The following USPL1 variants were observed in gnomAD, a reference collection of about 807,000 sequenced individuals.
The protein encoded by USPL1 is SUMO-specific isopeptidase USPL1.
Under a neutral mutation model 51.5 loss-of-function variants are expected in USPL1, and 27 were observed. That is an observed-to-expected ratio of 0.52 (90% CI 0.39 to 0.72). The LOEUF (loss-of-function observed/expected upper bound fraction) is 0.72. Ranked by LOEUF, USPL1 falls within the 30% of genes least tolerant of loss-of-function variation. The pLI is 0.00. For missense variants in USPL1, 1,226 were observed against 1,268.0 expected (o/e 0.97, Z 0.50); for synonymous variants, 451 against 459.6 (o/e 0.98, Z 0.24).
intron 3 of USPL1, among the ~76,000 whole-genome samples, chr13:30,623,059 G>A (rs1321660471): frequency 6.6e-6 from 1 of 152,056 alleles, no homozygotes; most frequent in Non-Finnish European, 1.5e-5. Context: ...AAAGTGCTGT[G>A]GAGAAAAATA....
intron 3 of USPL1, among the ~76,000 whole-genome samples, chr13:30,623,711 GAATT>G (rs1950674284): frequency 6.6e-6 from 1 of 152,310 alleles, no homozygotes; most frequent in East Asian, 1.9e-4. Flanking sequence ...CATGATTAGA[GAATT>G]AACGGGTTAG....
rs1253569300 is a variant in USPL1, at chr13:30,658,655, G to A, written c.2578G>A (p.Gly860Arg). 6.2e-7 allele frequency: 1 copy of A among 1,614,176 alleles called. No homozygotes were observed. Among genetic ancestry groups the A allele is most frequent in the South Asian group, 1.1e-5 (1 of 91,090 alleles). Residue 860 changes from glycine to arginine, a missense_variant, in exon 9 of 9, where the codon GGA (glycine) becomes AGA (arginine). Coordinates refer to ENST00000255304, the MANE Select transcript of USPL1 (RefSeq NM_005800.5). ...GGAAAAGTCTGGAAGCACCTCATGT[G>A]GAGCTCAACTCAACCACAGTTCTTA... is the stretch of plus-strand genomic sequence containing the variant. The part of the protein sequence containing the change: ...VLEKSGSTSC[G>R]AQLNHSSYGN...
chr13:30,629,527 T>C (rs191205369), intron 3 of USPL1, among the ~76,000 whole-genome samples: 1 of 152,228 alleles, frequency 6.6e-6, no homozygotes, highest in African/African-American at 2.4e-5. Context: ...TTTCACATGA[T>C]TATGTGAGTT....
chr13:30,653,181 A>T lies in USPL1; in HGVS notation c.1272A>T (p.Glu424Asp), dbSNP rs770423148. ...CCATATTCATGTTGCACTTTGTAGAAGGCTTACCACAGAATGACTTGCAGC... is the reference window on the plus strand; with the variant it reads ...CCATATTCATGTTGCACTTTGTAGATGGCTTACCACAGAATGACTTGCAGC... ...VSPIFMLHFV[E>D]GLPQNDLQHY... The change falls in exon 8 of 9, where the codon GAA (glutamate) becomes GAT (aspartate). Residue 424 changes from glutamate (E) to aspartate (D), a missense_variant. Physicochemically the swap from Glu to Asp is conservative, Grantham distance 45 (BLOSUM62 2). Coordinates refer to ENST00000255304, the MANE Select transcript of USPL1 (RefSeq NM_005800.5). 16 of 1,609,382 alleles carry T rather than the reference A, an allele frequency of 9.9e-6. No individual in the cohort carries two copies. Among genetic ancestry groups the T allele is most frequent in the Non-Finnish European group, 1.4e-5 (16 of 1,177,268 alleles).
At chr13:30,657,293 T>C (rs1489809814) in intron 8 of USPL1, among the ~76,000 whole-genome samples, 181 bp from the exon 9 acceptor site, 1 of 152,214 alleles carries the variant, frequency 6.6e-6, no homozygotes, top group African/African-American at 2.4e-5. Flanking sequence ...TTCCAAAAAT[T>C]AAATATACTC....
intron 3 of USPL1, among the ~76,000 whole-genome samples, chr13:30,622,485 T>A (rs774515403): frequency 2.0e-5 from 3 of 152,230 alleles, no homozygotes; most frequent in Non-Finnish European, 4.4e-5. Flanking sequence ...TCATACACTT[T>A]TAATTCTCAG....
chr13:30,621,868 T>C lies in USPL1; in HGVS notation c.204T>C (p.Ser68=). The change falls in exon 3 of 9, where the codon TCT becomes TCC. Residue 68 remains serine (S), a synonymous_variant. Transcript: ENST00000255304. ...LKTYRISFQE[S]IFLCEDLQCI... ...CTTACCGAATTAGTTTTCAAGAATC[T>C]ATCTTTTTGTGTGAGGATCTGCAGG... 1 of 1,563,078 alleles carries C rather than the reference T, an allele frequency of 6.4e-7. No individual in the cohort carries two copies. The highest frequency in any genetic ancestry group is 1.2e-5 in the South Asian group (1 of 81,728).
chr13:30,644,949 A>G (rs1346540682), intron 6 of USPL1, among the ~76,000 whole-genome samples: 2 of 152,166 alleles, frequency 1.3e-5, no homozygotes, highest in African/African-American at 2.4e-5. Flanking sequence ...GTCTTCTATC[A>G]TTGCTTTATA....
At chr13:30,635,723 A>G (rs1950867248) in intron 4 of USPL1, among the ~76,000 whole-genome samples, 1 of 152,190 alleles carries the variant, frequency 6.6e-6, no homozygotes, top group African/African-American at 2.4e-5. Context: ...GAGTTTGGTC[A>G]TACAGTCTTT....
chr13:30,621,950 TATTA>T (rs1043142372), intron 3 of USPL1, 58 bp downstream of exon 3: 71 of 1,202,476 alleles, frequency 5.9e-5, no homozygotes, highest in African/African-American at 2.5e-4. Context: ...TTTGCTTTTT[TATTA>T]ATTGTTTTAA....
At chr13:30,635,422 A>G (rs1282322746) in intron 4 of USPL1, among the ~76,000 whole-genome samples, 1 of 152,118 alleles carries the variant, frequency 6.6e-6, no homozygotes, top group East Asian at 1.9e-4. Flanking sequence ...CTGCCATGCC[A>G]CCTCTAGCAT....
chr13:30,651,147 A>G (rs1399345186), intron 7 of USPL1, among the ~76,000 whole-genome samples: 1 of 152,146 alleles, frequency 6.6e-6, no homozygotes, highest in Non-Finnish European at 1.5e-5. Context: ...CAGACCCTGG[A>G]TAGCTTTGGT....
intron 6 of USPL1, 52 bp from the exon 7 acceptor site, chr13:30,646,880 T>A (rs1168330646): frequency 6.4e-7 from 1 of 1,565,306 alleles, no homozygotes; most frequent in Non-Finnish European, 8.7e-7. Flanking sequence ...TTGGTTTAAA[T>A]TAATGTAAAT....
chr13:30,634,681 C>G (rs1049417201), intron 4 of USPL1, among the ~76,000 whole-genome samples: 2 of 152,160 alleles, frequency 1.3e-5, no homozygotes, highest in African/African-American at 2.4e-5. Context: ...GGCAAGTCTC[C>G]TGGGGCACAG....
chr13:30,646,244 T>C (rs538387216), intron 6 of USPL1, among the ~76,000 whole-genome samples: 4 of 152,346 alleles, frequency 2.6e-5, no homozygotes, highest in Non-Finnish European at 5.9e-5. Flanking sequence ...TCTTTAAAGG[T>C]CATCTTTTTA....
intron 8 of USPL1, among the ~76,000 whole-genome samples, chr13:30,656,681 C>G (rs1262782171): frequency 6.6e-6 from 1 of 152,134 alleles, no homozygotes; most frequent in Non-Finnish European, 1.5e-5. Flanking sequence ...TGGCATAAAC[C>G]TACAAGAGGA....
In USPL1 at chr13:30,646,357, T is replaced by G. The variant is rs188431461; in HGVS notation, c.1113-575T>G. Among the ~76,000 whole-genome samples, 133 of 121,746 alleles carry G rather than the reference T, an allele frequency of 1.1e-3. 1 individual carries two copies. Among genetic ancestry groups the G allele is most frequent in the African/African-American group, 2.6e-3 (85 of 33,096 alleles). The allele number at this position is 121,746 out of a possible 152,430, so 79.9% of individuals were successfully genotyped here. ...CAATTAATGCTGTGTGTGTGTGTGTTTTTTTTTTAAGGATTAAAAAAAGTT... is the reference window on the plus strand; with the variant it reads ...CAATTAATGCTGTGTGTGTGTGTGTGTTTTTTTTAAGGATTAAAAAAAGTT... On this transcript the variant is annotated intron_variant, in intron 6 of 8. Transcript: ENST00000255304.
chr13:30,618,262 A>G lies in USPL1; in HGVS notation c.-69+206A>G, dbSNP rs185700907. 5.3e-3 allele frequency among the ~76,000 whole-genome samples: 811 copies of G among 152,206 alleles called. 4 individuals are homozygous for G. Among genetic ancestry groups the G allele is most frequent in the Non-Finnish European group, 8.5e-3 (575 of 68,002 alleles). On this transcript the variant is annotated intron_variant, in intron 1 of 8. Coordinates refer to ENST00000255304, the MANE Select transcript of USPL1 (RefSeq NM_005800.5). Reference sequence around the variant, plus strand: ...GAGGTGAACGCTGAAGAGAAACCAGAGTTTGTTTTCGTTTTCCAAGGAGCG... The same window carrying G: ...GAGGTGAACGCTGAAGAGAAACCAGGGTTTGTTTTCGTTTTCCAAGGAGCG...
chr13:30,637,366 A>C (rs992851040), intron 4 of USPL1, among the ~76,000 whole-genome samples: 1 of 152,228 alleles, frequency 6.6e-6, no homozygotes, highest in Admixed American at 6.5e-5. Flanking sequence ...GTTCAATAAA[A>C]GTTACACAGA....
Sources: gnomAD v4.1 joint callset for allele counts (sites outside exome capture counted in the v4.1 genomes callset) on GRCh38, gnomAD v4.1.1 for gene constraint, MANE v1.5 for transcripts, NCBI Gene and HGNC (gene_info 2026-07-23, HGNC 2026-07-21) for gene names.